UXS1: variants seen among roughly 807,000 people sequenced by gnomAD.
UXS1 encodes the protein UDP-glucuronate decarboxylase 1.
A neutral mutation model predicts 62.6 loss-of-function variants in UXS1; 33 were observed. The observed-to-expected ratio is 0.53, with a 90% confidence interval of 0.40 to 0.70. The LOEUF is 0.70. Ranked by LOEUF, UXS1 falls within the 30% of genes least tolerant of loss-of-function variation. UXS1 has a pLI of 0.00. For synonymous variants in UXS1, 213 were observed against 206.8 expected (o/e 1.03, Z -0.26); for missense variants, 434 against 556.3 (o/e 0.78, Z 2.21).
chr2:106,138,405 C>T (rs1192341840), intron 6 of UXS1: 18 of 985,418 alleles, frequency 1.8e-5, no homozygotes, highest in Non-Finnish European at 2.2e-5. Context: ...CTTCCTGATG[C>T]TCTCCACAGT....
At chr2:106,104,686 G>A (rs1353329497) in intron 11 of UXS1, 108 bp downstream of exon 11, 18 of 1,352,472 alleles carry the variant, frequency 1.3e-5, no homozygotes, top group East Asian at 4.6e-5. Context: ...TATAGTGTTA[G>A]CGTTGTGGAA....
At chr2:106,183,009 CAAAAGAAA>C (rs1684339583) in intron 1 of UXS1, among the ~76,000 whole-genome samples, 1 of 151,462 alleles carries the variant, frequency 6.6e-6, no homozygotes, top group African/African-American at 2.4e-5. Flanking sequence ...CAAAAGAAAC[CAAAAGAAA>C]AAAAGAAAAA....
intron 6 of UXS1, chr2:106,138,863 T>C (rs1680870775): frequency 1.0e-6 from 1 of 985,298 alleles, no homozygotes; most frequent in Non-Finnish European, 1.2e-6. Context: ...ACATTAACAA[T>C]AACTCCAGTT....
chr2:106,099,758 A>G (rs1247467886), intron 12 of UXS1, among the ~76,000 whole-genome samples: 2 of 152,196 alleles, frequency 1.3e-5, no homozygotes, highest in Admixed American at 6.5e-5. Context: ...GGGCCTCTCC[A>G]GTGTACACAG....
rs182942991 is a variant in UXS1, at chr2:106,146,606, C to G, written c.292-1236G>C. Among the ~76,000 whole-genome samples the G allele has an allele frequency of 2.0e-3, 308 of 151,816 alleles. 7 individuals carry two copies. Among genetic ancestry groups the G allele is most frequent in the Admixed American group, 0.013 (199 of 15,266 alleles). On this transcript the variant is annotated intron_variant, in intron 5 of 14. Transcript: ENST00000283148. ...CCAGTCGGGCCAACATGGTGAAACC[C>G]TGTCTCTACTAAAAATACAAAAAAT...
intron 1 of UXS1, among the ~76,000 whole-genome samples, chr2:106,190,540 G>C (rs1684855007): frequency 1.3e-5 from 2 of 152,166 alleles, no homozygotes; most frequent in Non-Finnish European, 2.9e-5. Context: ...GAGGTCAGGA[G>C]TTTGAGACCA....
At chr2:106,138,533 C>T (rs966736511) in intron 6 of UXS1, 6 of 985,316 alleles carry the variant, frequency 6.1e-6, no homozygotes, top group Non-Finnish European at 4.8e-6. Context: ...CCATTTACAA[C>T]AAATACCCCT....
Position 106,129,794 on chromosome 2 carries a change from C to T in UXS1, c.473-16G>A. On this transcript the variant is annotated splice_polypyrimidine_tract_variant and intron_variant, in intron 6 of 14. Coordinates refer to ENST00000283148, the MANE Select transcript of UXS1 (RefSeq NM_001253875.2). ...ATCTGGTCAACTAAAGGAGACAAAA[C>T]AGAAGCCTATTACTTCAAAAAAGCA... The T allele has an allele frequency of 6.4e-7, 1 of 1,564,838 alleles. No homozygotes were observed. Among genetic ancestry groups the T allele is most frequent in the Non-Finnish European group, 8.7e-7 (1 of 1,148,718 alleles).
intron 1 of UXS1, among the ~76,000 whole-genome samples, chr2:106,171,312 G>A (rs1322612059): frequency 7.4e-6 from 1 of 134,642 alleles, no homozygotes; most frequent in Non-Finnish European, 1.6e-5. Context: ...CATAATCTCT[G>A]AGTCTAACTT....
In UXS1 at chr2:106,107,866, G is replaced by T. The variant is rs1303564470; in HGVS notation, c.880-3029C>A. On this transcript the variant is annotated intron_variant, in intron 10 of 14. Transcript: ENST00000283148. ...AAGCTATGCTGCCTTCAGGTACGGT[G>T]ACAAAAGGTGCTCAGCAGCACTCCC... is the stretch of plus-strand genomic sequence containing the variant. Among the ~76,000 whole-genome samples the T allele has an allele frequency of 1.3e-5, 2 of 152,204 alleles. 1 individual carries two copies. Among genetic ancestry groups the T allele is most frequent in the East Asian group, 3.9e-4 (2 of 5,182 alleles).
intron 7 of UXS1, among the ~76,000 whole-genome samples, chr2:106,128,514 C>A (rs1479344118): frequency 2.6e-5 from 4 of 152,150 alleles, no homozygotes; most frequent in African/African-American, 9.7e-5. Context: ...ATCATCCAGT[C>A]CCTTACAGGC....
chr2:106,175,752 G>A (rs554977757), intron 1 of UXS1, among the ~76,000 whole-genome samples: 2 of 152,180 alleles, frequency 1.3e-5, no homozygotes, highest in Non-Finnish European at 2.9e-5. Flanking sequence ...GAAGCCCCCT[G>A]CAAGTGGATG....
At chr2:106,099,062 G>A (rs931084361) in intron 12 of UXS1, among the ~76,000 whole-genome samples, 12 of 152,236 alleles carry the variant, frequency 7.9e-5, no homozygotes, top group African/African-American at 2.9e-4. Context: ...CTGAGTATCA[G>A]ACAATTTCCA....
At chr2:106,128,068 T>A (rs906595963) in intron 7 of UXS1, among the ~76,000 whole-genome samples, 3 of 151,964 alleles carry the variant, frequency 2.0e-5, no homozygotes, top group Non-Finnish European at 4.4e-5. Context: ...AGTGACTGCA[T>A]CCCCCGAGTA....
intron 5 of UXS1, among the ~76,000 whole-genome samples, chr2:106,147,237 G>A (rs775884539): frequency 8.4e-4 from 128 of 152,128 alleles, no homozygotes; most frequent in Non-Finnish European, 1.6e-3. Context: ...TCCCAGCAGT[G>A]ATGTGAAAGG....
intron 7 of UXS1, among the ~76,000 whole-genome samples, chr2:106,126,563 G>T (rs1679971344): frequency 6.6e-6 from 1 of 152,138 alleles, no homozygotes; most frequent in South Asian, 2.1e-4. Context: ...GGCTGGGTGG[G>T]GTGGTAGGAT....
intron 1 of UXS1, among the ~76,000 whole-genome samples, chr2:106,191,065 T>C (rs1048670704): frequency 3.9e-5 from 6 of 151,960 alleles, no homozygotes; most frequent in South Asian, 2.1e-4. Flanking sequence ...AGCCAACATA[T>C]GAATGGGAAA....
At chr2:106,192,774 C>T (rs1685012894) in intron 1 of UXS1, among the ~76,000 whole-genome samples, 1 of 152,128 alleles carries the variant, frequency 6.6e-6, no homozygotes, top group Non-Finnish European at 1.5e-5. Context: ...TCTCTCTTGG[C>T]CTTAACTTCC....
chr2:106,120,006 C>T (rs1679390966), intron 9 of UXS1, among the ~76,000 whole-genome samples: 1 of 152,144 alleles, frequency 6.6e-6, no homozygotes, highest in Non-Finnish European at 1.5e-5. Context: ...TGAAACCTGT[C>T]TCAGCTGTGA....
Sources: gnomAD v4.1 joint callset for allele counts (sites outside exome capture counted in the v4.1 genomes callset) on GRCh38, gnomAD v4.1.1 for gene constraint, MANE v1.5 for transcripts, NCBI Gene and HGNC (gene_info 2026-07-23, HGNC 2026-07-21) for gene names.